TACC2: variants seen among roughly 807,000 people sequenced by gnomAD.
The protein encoded by TACC2 is transforming acidic coiled-coil-containing protein 2.
TACC2 carries 137 observed loss-of-function variants against 227.3 expected under a neutral mutation model. That is an observed-to-expected ratio of 0.60 (90% confidence interval 0.52 to 0.69). TACC2 has a LOEUF of 0.69. TACC2 is among the 30% of genes least tolerant of loss of function. The pLI is 0.00. For missense variants in TACC2, 3,470 were observed against 3,694.4 expected, an observed-to-expected ratio of 0.94 and a Z score of 1.57; for synonymous variants, 1,523 against 1,487.5, an observed-to-expected ratio of 1.02 and a Z score of -0.55.
At chr10:122,064,254 T>C (rs1456198526) in intron 3 of TACC2, among the ~76,000 whole-genome samples, 1 of 152,172 alleles carries the variant, frequency 6.6e-6, no homozygotes, top group Non-Finnish European at 1.5e-5. Context: ...CAGAACAGTT[T>C]TAGGTTACCG....
chr10:122,087,403 T>C lies in TACC2; in HGVS notation c.4903T>C (p.Ser1635Pro). The change falls in exon 4 of 23, where the codon TCT (serine) becomes CCT (proline). Residue 1635 changes from serine (S) to proline (P), a missense_variant. Ser to Pro is a moderately conservative substitution (Grantham distance 74, BLOSUM62 -1). This residue lies in a region of TACC2 where 1,924 missense variants were observed against 1,978.3 expected (regional missense o/e 0.97). Coordinates refer to ENST00000369005, the MANE Select transcript of TACC2 (RefSeq NM_206862.4). Reference sequence around the variant, plus strand: ...TGTGCCAAGGTCCACGTGTGCCCCTTCTCCTCAGAGGGAGGTTTTGACTGT... The same window carrying C: ...TGTGCCAAGGTCCACGTGTGCCCCTCCTCCTCAGAGGGAGGTTTTGACTGT... ...GHVPRSTCAP[S>P]PQREVLTVPE... The C allele has an allele frequency of 6.2e-7, 1 of 1,613,986 alleles. No homozygotes were observed. Among genetic ancestry groups the C allele is most frequent in the Non-Finnish European group, 8.5e-7 (1 of 1,180,038 alleles).
At position 122,085,260 on chromosome 10, in the gene TACC2, C is replaced by A. The variant is rs571515128; in HGVS notation, c.2760C>A (p.Asp920Glu). The A allele has an allele frequency of 7.4e-6, 12 of 1,614,104 alleles. No individual in the cohort carries two copies. In the African/African-American group the frequency reaches 1.3e-4, roughly 18 times the overall value. The change falls in exon 4 of 23, where the codon GAC becomes GAA. Residue 920 changes from aspartate to glutamate, a missense_variant. By Grantham distance (45) the Asp-to-Glu change is conservative. Around this residue, in one of 10 missense-constraint regions of TACC2, gnomAD observed 1,924 missense variants for 1,978.3 expected, o/e 0.97. Coordinates refer to ENST00000369005, the MANE Select transcript of TACC2 (RefSeq NM_206862.4). Reference sequence around the variant, plus strand: ...ATACTCCAACTTCATCTCCCACTGACATGGTTTGGGAGAGTTCTCTGACAG... The same window carrying A: ...ATACTCCAACTTCATCTCCCACTGAAATGGTTTGGGAGAGTTCTCTGACAG... Reference protein sequence around the residue: ...LSDTPTSSPTDMVWESSLTEE... With the variant: ...LSDTPTSSPTEMVWESSLTEE...
At chr10:122,003,029 C>T (rs1954604820) in intron 1 of TACC2, among the ~76,000 whole-genome samples, 1 of 152,044 alleles carries the variant, frequency 6.6e-6, no homozygotes, top group Admixed American at 6.6e-5. Context: ...ATGGTGAAAC[C>T]CCGTCTCTAC....
rs770676607 is a variant in TACC2 at position 122,210,385 on chromosome 10, G to C, written c.5972-12G>C. 1 of 1,606,226 alleles carries C rather than the reference G, an allele frequency of 6.2e-7. No individual in the cohort carries two copies. Among genetic ancestry groups the C allele is most frequent in the Admixed American group, 1.7e-5 (1 of 60,024 alleles). ...GTGTCTGTAATTGATGGCGTTGTCT[G>C]TGTTTCCCCAGGATGTGGTTCTGAG... On this transcript the variant is annotated splice_polypyrimidine_tract_variant and intron_variant, in intron 8 of 22. Coordinates refer to ENST00000369005, the MANE Select transcript of TACC2 (RefSeq NM_206862.4). This position sits in a 1 kb window ranked among gnomAD's most constrained non-coding sequence, Gnocchi z 4.6.
At chr10:122,052,014 C>T (rs1444908317) in intron 3 of TACC2, 1 of 152,144 alleles carries the variant, frequency 6.6e-6, no homozygotes, top group African/African-American at 2.4e-5. Flanking sequence ...CTATTCTCTG[C>T]TAAAGATGGT....
chr10:122,050,641 A>G lies in TACC2; in HGVS notation c.146+91A>G. 3 of 1,002,680 alleles carry G rather than the reference A, an allele frequency of 3.0e-6. No individual in the cohort carries two copies. In the Admixed American group the frequency reaches 6.4e-5, roughly 22 times the overall value. The allele number at this position is 1,002,680 out of a possible 1,614,324, so 62.1% of individuals were successfully genotyped here. On this transcript the variant is annotated intron_variant, in intron 3 of 22. Transcript: ENST00000369005. The surrounding 1 kb of genome is among the most constrained non-coding windows in gnomAD (Gnocchi z 4.6). The stretch of plus-strand genomic sequence containing the variant: ...ATTAGCTTTGCCCCATTTGCTTTGG[A>G]AACTGGACCCTTAGACACATGGTAT...
At chr10:122,140,087 T>TGGCTGGA (rs1377713957) in intron 6 of TACC2, among the ~76,000 whole-genome samples, 3 of 152,208 alleles carry the variant, frequency 2.0e-5, no homozygotes, top group Non-Finnish European at 4.4e-5. Flanking sequence ...GCTGTGTGTG[T>TGGCTGGA]GGCTGGAGAC....
chr10:122,227,547 G>A (rs553633521), intron 13 of TACC2, among the ~76,000 whole-genome samples: 1 of 152,340 alleles, frequency 6.6e-6, no homozygotes, highest in South Asian at 2.1e-4. Context: ...AGGAAATGGA[G>A]GCACGGTATC....
At position 122,121,766 on chromosome 10, in the gene TACC2, G is replaced by T. The variant is rs530532351; in HGVS notation, c.5574-10843G>T. ...AAATGCATTGCTGGCTGTGGGCTAA[G>T]AATTCAGCAGGGAAGGTAGAGGTCC... is the stretch of plus-strand genomic sequence containing the variant. On this transcript the variant is annotated intron_variant, in intron 5 of 22. Transcript: ENST00000369005. Among the ~76,000 whole-genome samples the T allele has an allele frequency of 3.3e-5, 5 of 152,292 alleles. No homozygotes were observed. In the East Asian group the frequency reaches 9.7e-4, roughly 29 times the overall value.
At chr10:122,199,447 G>A (rs55961613) in intron 8 of TACC2, among the ~76,000 whole-genome samples, 11,738 of 152,284 alleles carry the variant, frequency 0.077, 1,536 homozygotes, top group African/African-American at 0.27. Context: ...GAGGCCATAC[G>A]TGGGTGCTCC....
In TACC2 at chr10:122,087,654, A is replaced by G. The variant is rs1175995091; in HGVS notation, c.5154A>G (p.Ala1718=). 2 of 1,613,398 alleles carry G rather than the reference A, an allele frequency of 1.2e-6. No homozygotes were observed. The highest frequency in any genetic ancestry group is 1.7e-6 in the Non-Finnish European group (2 of 1,179,976). ...DITLSTAETQ[A]CASGDLPEAG... Reference sequence around the variant, plus strand: ...CCCTGAGCACAGCTGAGACACAGGCATGTGCGTCCGGTGATCTGCCTGAAG... The same window carrying G: ...CCCTGAGCACAGCTGAGACACAGGCGTGTGCGTCCGGTGATCTGCCTGAAG... The change falls in exon 4 of 23, where the codon GCA becomes GCG. Residue 1718 remains alanine (A), a synonymous_variant. Transcript: ENST00000369005.
chr10:122,089,924 G>T (rs2080553295), intron 5 of TACC2, among the ~76,000 whole-genome samples: 1 of 152,102 alleles, frequency 6.6e-6, no homozygotes, highest in Admixed American at 6.5e-5. Flanking sequence ...ATCTGCATTG[G>T]ACACCCTTTT....
rs2096184188 is a variant in TACC2, at chr10:122,248,680, G to C, written c.8430G>C (p.Thr2810=). 1 of 1,613,832 alleles carries C rather than the reference G, an allele frequency of 6.2e-7. No homozygotes were observed. Residue 2810 remains threonine, a synonymous_variant, in exon 20 of 23, where the codon ACG becomes ACC. Transcript: ENST00000369005. The stretch of plus-strand genomic sequence containing the variant: ...GAGAGAAGTCAGTCTCCCACCAGAC[G>C]GTGCAGCAGCTGGTTCTGGAGAAGG... ...EQREKSVSHQ[T]VQQLVLEKEQ...
chr10:122,072,125 C>T (rs897728735), intron 3 of TACC2, among the ~76,000 whole-genome samples: 1 of 151,560 alleles, frequency 6.6e-6, no homozygotes, highest in Admixed American at 6.6e-5. Context: ...ACTACAGGCG[C>T]CTGCCACTAT....
intron 7 of TACC2, among the ~76,000 whole-genome samples, chr10:122,182,296 G>T (rs2093997039): frequency 2.0e-5 from 3 of 152,182 alleles, no homozygotes; most frequent in Admixed American, 1.3e-4. Context: ...CTGGACGCAG[G>T]TTCTCTCTGA....
intron 8 of TACC2, among the ~76,000 whole-genome samples, chr10:122,203,312 G>A (rs1443830840): frequency 3.7e-5 from 5 of 136,456 alleles, no homozygotes; most frequent in East Asian, 2.4e-4. Context: ...CAGTAGGGGC[G>A]GCCGGGCAGA....
chr10:122,009,790 G>A (rs1955695751), intron 1 of TACC2, among the ~76,000 whole-genome samples: 1 of 151,908 alleles, frequency 6.6e-6, no homozygotes, highest in Admixed American at 6.6e-5. Flanking sequence ...GCTGGGCATG[G>A]GGGTGCGCGC....
At chr10:122,020,697 G>A (rs937269238) in intron 1 of TACC2, among the ~76,000 whole-genome samples, 9 of 152,140 alleles carry the variant, frequency 5.9e-5, no homozygotes, top group Non-Finnish European at 1.3e-4. Flanking sequence ...TCTTTGGCAA[G>A]CTCCTTACCT....
chr10:122,066,273 ATTT>A (rs71482682), intron 3 of TACC2, among the ~76,000 whole-genome samples: 6 of 132,008 alleles, frequency 4.5e-5, no homozygotes, highest in Non-Finnish European at 6.5e-5. Context: ...ATGCCCAGCT[ATTT>A]TTTTTTTTTT....
Sources: allele counts gnomAD v4.1 joint callset (sites outside exome capture counted in the v4.1 genomes callset), GRCh38; gene constraint gnomAD v4.1.1; regional missense constraint gnomAD v4.1.1; non-coding constraint Gnocchi (gnomAD v3.1); transcripts MANE v1.5; gene names NCBI Gene and HGNC (gene_info 2026-07-23, HGNC 2026-07-21).